The following CYP4X1 variants were observed in gnomAD, a reference collection of about 807,000 sequenced individuals.
CYP4X1 encodes cytochrome P450 family 4 subfamily X member 1, also known as cytochrome P450 4X1.
Under a neutral mutation model 57.9 loss-of-function variants are expected in CYP4X1, and 44 were observed. The ratio of observed to expected loss-of-function variants is 0.76; its 90% CI spans 0.60 to 0.98. CYP4X1 has a LOEUF of 0.98. Among genes scored for constraint, CYP4X1 ranks in the 50% least tolerant of loss-of-function variants. The probability of loss-of-function intolerance (pLI) is 0.00; values close to 1 mark genes in which losing one functional copy is unlikely to be tolerated. For synonymous variants in CYP4X1, 227 were observed against 228.6 expected, an observed-to-expected ratio of 0.99 and a Z score of 0.06; for missense variants, 532 against 623.9, an observed-to-expected ratio of 0.85 and a Z score of 1.57.
intron 3 of CYP4X1, among the ~76,000 whole-genome samples, chr1:47,032,101 G>T (rs1255546924): frequency 6.6e-6 from 1 of 151,598 alleles, no homozygotes; most frequent in Non-Finnish European, 1.5e-5. Flanking sequence ...CCCTATTCTT[G>T]TTTTCTTTAT....
rs1569600754 is a variant in CYP4X1, at chr1:47,023,755, G to T, written c.-63G>T. 6 of 1,558,506 alleles carry T rather than the reference G, an allele frequency of 3.8e-6. No individual in the cohort carries two copies. Among genetic ancestry groups the T allele is most frequent in the South Asian group, 1.2e-5 (1 of 83,018 alleles). ...GGGCGACCCTACGCCAGCTCCGGGC[G>T]GGAGAAAGCCCACCCTCTCCCGCGC... is the stretch of plus-strand genomic sequence containing the variant. On this transcript the variant is annotated 5_prime_UTR_variant, in exon 1 of 12. Coordinates refer to ENST00000371901, the MANE Select transcript of CYP4X1 (RefSeq NM_178033.2).
At position 47,035,803 on chromosome 1, in the gene CYP4X1, C is replaced by T. The variant is rs1417429920; in HGVS notation, c.493-3C>T. 6.2e-7 allele frequency: 1 copy of T among 1,610,750 alleles called. No homozygotes were observed. The highest frequency in any genetic ancestry group is 8.5e-7 in the Non-Finnish European group (1 of 1,178,588). On this transcript the variant is annotated splice_polypyrimidine_tract_variant and splice_region_variant and intron_variant, in intron 4 of 11. Coordinates refer to ENST00000371901, the MANE Select transcript of CYP4X1 (RefSeq NM_178033.2). ...TGATGTTGGTCTTGACCTCCTGTGC[C>T]AGGATAAGTGGGAGAAGATTTGCAG...
At chr1:46,964,185 T>G in the CYP4X1 span, among the ~76,000 whole-genome samples, 6,545 of 152,296 alleles carry the variant, frequency 0.043, 479 homozygotes, top group African/African-American at 0.14. Flanking sequence ...TGCCATGGGT[T>G]CAAACTTCCT....
chr1:47,007,784 C>T, the CYP4X1 span, among the ~76,000 whole-genome samples: 742 of 152,256 alleles, frequency 4.9e-3, 13 homozygotes, highest in East Asian at 0.047. Flanking sequence ...GATGAATGCA[C>T]AAGCCTCAGT....
chr1:46,984,243 C>T, the CYP4X1 span, among the ~76,000 whole-genome samples: 1 of 151,930 alleles, frequency 6.6e-6, no homozygotes, highest in Non-Finnish European at 1.5e-5. Context: ...CTCCCTTGCA[C>T]CAATCCCCAG....
chr1:46,995,944 T>C, the CYP4X1 span, among the ~76,000 whole-genome samples: 2 of 152,200 alleles, frequency 1.3e-5, no homozygotes, highest in African/African-American at 2.4e-5. Context: ...ATTCACCCCC[T>C]GAGATACAGC....
downstream of CYP4X1, among the ~76,000 whole-genome samples, chr1:47,051,402 A>G (rs1644359712): frequency 6.6e-6 from 1 of 151,944 alleles, no homozygotes; most frequent in South Asian, 2.1e-4. Flanking sequence ...AGGACACCAA[A>G]CTTCTCAATC....
chr1:46,990,307 C>T, the CYP4X1 span, among the ~76,000 whole-genome samples: 6 of 152,172 alleles, frequency 3.9e-5, no homozygotes, highest in Admixed American at 6.5e-5. Flanking sequence ...AAAAGCTCAT[C>T]ATCAGTGGCC....
the CYP4X1 span, among the ~76,000 whole-genome samples, chr1:46,990,926 C>T: frequency 3.3e-5 from 5 of 151,736 alleles, no homozygotes; most frequent in Admixed American, 1.3e-4. Context: ...AGAGGGATAG[C>T]ATTAGGAGAA....
the CYP4X1 span, among the ~76,000 whole-genome samples, chr1:47,012,397 A>C: frequency 6.6e-6 from 1 of 151,650 alleles, no homozygotes; most frequent in Admixed American, 6.6e-5. Context: ...ATCGCACACC[A>C]GGGCCTGTCA....
the CYP4X1 span, among the ~76,000 whole-genome samples, chr1:47,001,936 T>C: frequency 4.6e-5 from 7 of 152,354 alleles, no homozygotes; most frequent in South Asian, 1.5e-3. Context: ...CTCTGCCTTC[T>C]GCATCGTCAA....
chr1:47,034,515 A>G (rs1644158939), intron 4 of CYP4X1, among the ~76,000 whole-genome samples: 1 of 152,144 alleles, frequency 6.6e-6, no homozygotes, highest in African/African-American at 2.4e-5. Context: ...TTTTCCTCTC[A>G]CTTCATGTGC....
the CYP4X1 span, among the ~76,000 whole-genome samples, chr1:46,969,199 G>T: frequency 6.6e-6 from 1 of 152,182 alleles, no homozygotes; most frequent in African/African-American, 2.4e-5. Flanking sequence ...CCGCTCTCTT[G>T]CTCCTGTTCC....
intron 4 of CYP4X1, among the ~76,000 whole-genome samples, chr1:47,034,873 T>C (rs1181302758): frequency 1.3e-5 from 2 of 152,052 alleles, no homozygotes; most frequent in African/African-American, 4.8e-5. Context: ...CTTCCTCTGC[T>C]GCATCATTCC....
At chr1:47,020,289 G>A (rs1643982226), upstream of CYP4X1, among the ~76,000 whole-genome samples, 1 of 152,210 alleles carries the variant, frequency 6.6e-6, no homozygotes, top group Non-Finnish European at 1.5e-5. Context: ...CATGAAGGCA[G>A]GGCCATGTTG....
chr1:47,050,555 A>T lies in CYP4X1; in HGVS notation c.*381A>T, dbSNP rs1644352826. On this transcript the variant is annotated 3_prime_UTR_variant, in exon 12 of 12. Coordinates refer to ENST00000371901, the MANE Select transcript of CYP4X1 (RefSeq NM_178033.2). ...ATGTAGAATAAAAATTTTAAATCTC[A>T]CTTCACTTAGCCGACATTCCATGCC... 1 of 162,738 alleles carries T rather than the reference A, an allele frequency of 6.1e-6. No homozygotes were observed. The highest frequency in any genetic ancestry group is 2.4e-5 in the African/African-American group (1 of 41,546). 10.1% of individuals were successfully genotyped at this position (162,738 alleles called of 1,614,324 possible). A position where few individuals can be genotyped will look rare whatever the true frequency, so the allele number is the denominator to read the frequency against.
rs372969677 is a variant in CYP4X1, at chr1:47,025,431, C to T, written c.177+1437C>T. ...ATTCCTTTACAGCAACACAAATGTA[C>T]TAAGACAACATCCACCTATGAACTT... On this transcript the variant is annotated intron_variant, in intron 1 of 11. Coordinates refer to ENST00000371901, the MANE Select transcript of CYP4X1 (RefSeq NM_178033.2). Among the ~76,000 whole-genome samples the T allele has an allele frequency of 5.9e-5, 9 of 152,304 alleles. No homozygotes were observed. The East Asian group carries it at 1.7e-3, about 29-fold the overall frequency.
At chr1:47,003,565 T>C in the CYP4X1 span, among the ~76,000 whole-genome samples, 1 of 152,166 alleles carries the variant, frequency 6.6e-6, no homozygotes, top group South Asian at 2.1e-4. Context: ...ACTGCTCAGC[T>C]TCTGGAAAGA....
chr1:47,054,215 G>C (rs1199914154), downstream of CYP4X1, among the ~76,000 whole-genome samples: 1 of 151,966 alleles, frequency 6.6e-6, no homozygotes, highest in African/African-American at 2.4e-5. Context: ...GTTTGTCAAA[G>C]ATCAGATAGT....
Sources: gnomAD v4.1 joint callset for allele counts (sites outside exome capture counted in the v4.1 genomes callset) on GRCh38, gnomAD v4.1.1 for gene constraint, MANE v1.5 for transcripts, NCBI Gene and HGNC (gene_info 2026-07-23, HGNC 2026-07-21) for gene names.